Variants in BBX observed in about 807,000 individuals in gnomAD.
The protein encoded by BBX is BBX high mobility group box domain containing, also known as HMG box transcription factor BBX.
A neutral mutation model predicts 100.2 loss-of-function variants in BBX; 30 were observed. The ratio of observed to expected loss-of-function variants is 0.30; its 90% CI spans 0.22 to 0.41. BBX has a LOEUF of 0.41. BBX is among the 10% of genes least tolerant of loss of function. The pLI is 1.00. For missense variants in BBX, 1,023 were observed against 1,129.8 expected, an observed-to-expected ratio of 0.91 and a Z score of 1.35; for synonymous variants, 376 against 388.1, an observed-to-expected ratio of 0.97 and a Z score of 0.37.
Position 107,716,912 on chromosome 3 carries a change from A to G in BBX, c.405+63A>G. The G allele has an allele frequency of 1.9e-6, 3 of 1,569,294 alleles. No homozygotes were observed. The South Asian group carries it at 3.5e-5, about 18-fold the overall frequency. On this transcript the variant is annotated intron_variant, in intron 5 of 17. Coordinates refer to ENST00000325805, the MANE Select transcript of BBX (RefSeq NM_001142568.3). Reference sequence around the variant, plus strand: ...CAACCAGTCCTGAAACTCCCAGTCAACAAATATGAAGCACCTGTTGAAGGT... The same window carrying G: ...CAACCAGTCCTGAAACTCCCAGTCAGCAAATATGAAGCACCTGTTGAAGGT...
chr3:107,792,296 T>G (rs925198667), intron 15 of BBX, among the ~76,000 whole-genome samples: 35 of 152,226 alleles, frequency 2.3e-4, no homozygotes, highest in African/African-American at 8.2e-4. Flanking sequence ...GAAGGGATTT[T>G]AGAGATGATT....
At chr3:107,749,795 G>A (rs1206918158) in intron 9 of BBX, among the ~76,000 whole-genome samples, 8 of 152,096 alleles carry the variant, frequency 5.3e-5, no homozygotes, top group Admixed American at 2.6e-4. Context: ...CACCACGCCC[G>A]GCTAATTTTT....
intron 2 of BBX, among the ~76,000 whole-genome samples, chr3:107,616,516 C>T (rs534899447): frequency 6.6e-6 from 1 of 152,174 alleles, no homozygotes; most frequent in East Asian, 1.9e-4. Context: ...TATGAATGAT[C>T]CAGTTTCTCT....
chr3:107,683,525 C>T (rs1025747362), intron 3 of BBX, among the ~76,000 whole-genome samples: 1 of 152,120 alleles, frequency 6.6e-6, no homozygotes. Context: ...CAATGGTATA[C>T]ACATTGCTTG....
intron 7 of BBX, among the ~76,000 whole-genome samples, chr3:107,744,031 G>T (rs2107606875): frequency 7.0e-6 from 1 of 142,504 alleles, no homozygotes; most frequent in African/African-American, 2.6e-5. Flanking sequence ...TTTCTTTAAA[G>T]TGAAAGATTA....
intron 3 of BBX, among the ~76,000 whole-genome samples, chr3:107,684,935 T>TA (rs1229542131): frequency 1.3e-5 from 2 of 152,178 alleles, no homozygotes; most frequent in Non-Finnish European, 2.9e-5. Context: ...AGTCCTTTTT[T>TA]AAGAGCTGTT....
In BBX at chr3:107,716,490, G is replaced by A. The variant is rs1212609359; in HGVS notation, c.163-117G>A. Reference sequence around the variant, plus strand: ...TTTTTAAAATTATATTTTTTTCAATGTGTAAGTTGTTTAAATGGAGCTAAG... The same window carrying A: ...TTTTTAAAATTATATTTTTTTCAATATGTAAGTTGTTTAAATGGAGCTAAG... On this transcript the variant is annotated intron_variant, in intron 4 of 17. Coordinates refer to ENST00000325805, the MANE Select transcript of BBX (RefSeq NM_001142568.3). 5.6e-6 allele frequency: 7 copies of A among 1,240,862 alleles called. No homozygotes were observed. In the African/African-American group the frequency reaches 9.1e-5, roughly 16 times the overall value. The allele number at this position is 1,240,862 out of a possible 1,614,324, so 76.9% of individuals were successfully genotyped here.
chr3:107,650,022 A>T (rs556932034), intron 3 of BBX, among the ~76,000 whole-genome samples: 1 of 152,268 alleles, frequency 6.6e-6, no homozygotes, highest in South Asian at 2.1e-4. Flanking sequence ...TGCTACTGAA[A>T]TTTTTTTCCT....
At chr3:107,625,925 G>A (rs532961450) in intron 2 of BBX, among the ~76,000 whole-genome samples, 2 of 152,092 alleles carry the variant, frequency 1.3e-5, no homozygotes, top group South Asian at 4.2e-4. Context: ...TTTTCATGGG[G>A]TACATAGTGA....
At chr3:107,647,337 T>G (rs139816535) in intron 3 of BBX, among the ~76,000 whole-genome samples, 17 of 152,352 alleles carry the variant, frequency 1.1e-4, no homozygotes, top group African/African-American at 3.8e-4. Context: ...CCGGACACTT[T>G]ATCTGACCTG....
chr3:107,786,247 T>C (rs529715385), intron 13 of BBX, among the ~76,000 whole-genome samples: 9 of 152,238 alleles, frequency 5.9e-5, no homozygotes, highest in South Asian at 2.1e-4. Flanking sequence ...CTCTCCCAAA[T>C]TGATCTACAG....
chr3:107,660,217 A>G (rs2058373288), intron 3 of BBX, among the ~76,000 whole-genome samples: 1 of 152,134 alleles, frequency 6.6e-6, no homozygotes. Flanking sequence ...TATAAGTTAA[A>G]TTTATAAGGT....
chr3:107,738,522 T>C (rs527323912), intron 7 of BBX, among the ~76,000 whole-genome samples: 1 of 152,328 alleles, frequency 6.6e-6, no homozygotes, highest in South Asian at 2.1e-4. Flanking sequence ...ACCTTATAAG[T>C]AAATATTTAC....
In BBX at chr3:107,646,496, A is replaced by G. The variant is rs144052138; in HGVS notation, c.-10+587A>G. The stretch of plus-strand genomic sequence containing the variant: ...ATAACTGTCCTTTTATATGTTAGTT[A>G]TTTTCAAAGCTGTCGTTTTAGGGGA... On this transcript the variant is annotated intron_variant, in intron 3 of 17. Transcript: ENST00000325805. Among the ~76,000 whole-genome samples the G allele has an allele frequency of 5.3e-5, 8 of 152,256 alleles. No homozygotes were observed. In the East Asian group the frequency reaches 1.5e-3, roughly 29 times the overall value.
At chr3:107,598,084 C>G (rs930413382) in intron 2 of BBX, among the ~76,000 whole-genome samples, 2 of 152,110 alleles carry the variant, frequency 1.3e-5, no homozygotes, top group African/African-American at 4.8e-5. Context: ...GCCTGCATAT[C>G]CTTTGGAAAA....
chr3:107,722,994 C>T (rs1175749714), intron 5 of BBX, among the ~76,000 whole-genome samples: 1 of 151,974 alleles, frequency 6.6e-6, no homozygotes, highest in Non-Finnish European at 1.5e-5. Context: ...ATTCACTTAG[C>T]CCTCTATTGC....
chr3:107,547,679 A>T (rs1477010099), intron 2 of BBX, among the ~76,000 whole-genome samples: 2 of 152,164 alleles, frequency 1.3e-5, no homozygotes, highest in Admixed American at 1.3e-4. Context: ...CACTTTGAAG[A>T]TCATAACAAA....
At chr3:107,611,500 A>T (rs916842513) in intron 2 of BBX, among the ~76,000 whole-genome samples, 1 of 152,168 alleles carries the variant, frequency 6.6e-6, no homozygotes, top group Non-Finnish European at 1.5e-5. Flanking sequence ...TTTTCACCAG[A>T]TATACTATTC....
chr3:107,780,033 C>A lies in BBX; in HGVS notation c.2203+1514C>A, dbSNP rs555782545. ...CTCGTCTGAGAAAATAAAATAGGGTCGTATCAAGATCTTCCAAGATAGAAA... is the reference window on the plus strand; with the variant it reads ...CTCGTCTGAGAAAATAAAATAGGGTAGTATCAAGATCTTCCAAGATAGAAA... On this transcript the variant is annotated intron_variant, in intron 13 of 17. Transcript: ENST00000325805. Among the ~76,000 whole-genome samples the A allele has an allele frequency of 2.0e-5, 3 of 152,140 alleles. No homozygotes were observed. In the East Asian group the frequency reaches 5.8e-4, roughly 29 times the overall value.
Sources: allele counts gnomAD v4.1 joint callset (sites outside exome capture counted in the v4.1 genomes callset), GRCh38; gene constraint gnomAD v4.1.1; transcripts MANE v1.5; gene names NCBI Gene and HGNC (gene_info 2026-07-23, HGNC 2026-07-21).